Variants in TNR observed in about 807,000 individuals in gnomAD.
The protein encoded by TNR is tenascin R, also known as tenascin-R.
In TNR, 45 loss-of-function variants were observed where a neutral mutation model predicts 150.4. That is an observed-to-expected ratio of 0.30 (90% confidence interval 0.24 to 0.38). The LOEUF (loss-of-function observed/expected upper bound fraction) is 0.38. TNR is among the 10% of genes least tolerant of loss of function. The pLI is 1.00. For synonymous variants in TNR, 687 were observed against 678.4 expected (o/e 1.01, Z -0.20); for missense variants, 1,544 against 1,759.1 (o/e 0.88, Z 2.19).
intron 1 of TNR, among the ~76,000 whole-genome samples, chr1:175,615,110 AG>A (rs1407282705): frequency 6.6e-6 from 1 of 152,200 alleles, no homozygotes; most frequent in Non-Finnish European, 1.5e-5. Flanking sequence ...AGATAAATCG[AG>A]GGTGGACAAT....
chr1:175,422,077 A>C (rs568101229), intron 2 of TNR, among the ~76,000 whole-genome samples: 1 of 152,360 alleles, frequency 6.6e-6, no homozygotes, highest in East Asian at 1.9e-4. Context: ...CTTGTCTAAA[A>C]GTCACAAAGC....
intron 1 of TNR, among the ~76,000 whole-genome samples, chr1:175,721,531 C>T (rs976384046): frequency 9.2e-5 from 14 of 152,158 alleles, no homozygotes; most frequent in Non-Finnish European, 1.5e-5. Flanking sequence ...AACTGACTCT[C>T]TTGAAACCCG....
chr1:175,507,182 T>G (rs1224362697), intron 2 of TNR, among the ~76,000 whole-genome samples: 2 of 152,110 alleles, frequency 1.3e-5, no homozygotes, highest in East Asian at 3.9e-4. Flanking sequence ...TGTGCCCCGC[T>G]GGGGGTGGAG....
intron 1 of TNR, among the ~76,000 whole-genome samples, chr1:175,626,082 C>T (rs545190317): frequency 1.3e-5 from 2 of 152,252 alleles, no homozygotes; most frequent in Non-Finnish European, 2.9e-5. Flanking sequence ...TTGCTTCTTC[C>T]TCATTCTCTC....
At chr1:175,363,672 T>A (rs1651699664) in intron 13 of TNR, 36 bp downstream of exon 13, 1 of 1,606,282 alleles carries the variant, frequency 6.2e-7, no homozygotes, top group African/African-American at 1.3e-5. Context: ...TTCACCCAAA[T>A]CCTAGTATCT....
intron 9 of TNR, among the ~76,000 whole-genome samples, chr1:175,368,993 A>C (rs1414739545): frequency 6.6e-6 from 1 of 152,082 alleles, no homozygotes; most frequent in African/African-American, 2.4e-5. Flanking sequence ...ACAAAACAAA[A>C]AAACCCAACA....
At chr1:175,694,732 C>T (rs1384773967) in intron 1 of TNR, among the ~76,000 whole-genome samples, 1 of 152,132 alleles carries the variant, frequency 6.6e-6, no homozygotes, top group Non-Finnish European at 1.5e-5. Context: ...TCCCCTATGG[C>T]TGGTGTTTTT....
At position 175,680,108 on chromosome 1, in the gene TNR, G is replaced by A. The variant is rs561597291; in HGVS notation, c.-165+63118C>T. 5.3e-5 allele frequency among the ~76,000 whole-genome samples: 8 copies of A among 152,272 alleles called. No homozygotes were observed. The East Asian group carries it at 1.2e-3, about 22-fold the overall frequency. On this transcript the variant is annotated intron_variant, in intron 1 of 22. Transcript: ENST00000367674. ...CCCAGCTGCTCCATCTGTATGCAGG[G>A]CACTCCCCAGCCCCAGAGTTTATAA...
intron 21 of TNR, among the ~76,000 whole-genome samples, chr1:175,328,889 G>A: frequency 6.6e-6 from 1 of 152,222 alleles, no homozygotes; most frequent in East Asian, 1.9e-4. Context: ...CTTTTCTACA[G>A]GCACAATTCT....
At chr1:175,541,047 A>G (rs1458859097) in intron 1 of TNR, among the ~76,000 whole-genome samples, 1 of 151,750 alleles carries the variant, frequency 6.6e-6, no homozygotes, top group African/African-American at 2.4e-5. Context: ...CACCCTGGAC[A>G]TTTGCATCTG....
At chr1:175,607,993 G>C (rs1314027275) in intron 1 of TNR, among the ~76,000 whole-genome samples, 1 of 152,216 alleles carries the variant, frequency 6.6e-6, no homozygotes, top group Non-Finnish European at 1.5e-5. Context: ...GGACAGCAGA[G>C]GCTTTCTGAC....
intron 1 of TNR, among the ~76,000 whole-genome samples, chr1:175,678,759 A>C (rs1665943046): frequency 6.6e-6 from 1 of 152,232 alleles, no homozygotes; most frequent in South Asian, 2.1e-4. Context: ...CAGAGACAGG[A>C]AGACCAAGTG....
intron 1 of TNR, among the ~76,000 whole-genome samples, chr1:175,549,413 C>T (rs986356540): frequency 1.6e-4 from 25 of 152,184 alleles, no homozygotes; most frequent in Admixed American, 2.6e-4. Context: ...GTTATTTCTG[C>T]TCCCTCCTAA....
At chr1:175,330,492 C>T (rs773593261) in intron 20 of TNR, 1 of 321,640 alleles carries the variant, frequency 3.1e-6, no homozygotes, top group African/African-American at 2.1e-5. Context: ...TCCTCTTGAC[C>T]CAGTAACTGA....
At chr1:175,611,287 T>A (rs554902351) in intron 1 of TNR, among the ~76,000 whole-genome samples, 1 of 152,234 alleles carries the variant, frequency 6.6e-6, no homozygotes, top group South Asian at 2.1e-4. Context: ...AAATGTTTAT[T>A]TTTTTATTTT....
intron 1 of TNR, among the ~76,000 whole-genome samples, chr1:175,643,078 G>A (rs1403113666): frequency 6.6e-6 from 1 of 152,196 alleles, no homozygotes; most frequent in African/African-American, 2.4e-5. Context: ...TCTATTGGGT[G>A]AGAGGTGAAG....
intron 1 of TNR, among the ~76,000 whole-genome samples, chr1:175,726,739 G>A (rs995759631): frequency 6.6e-6 from 1 of 152,126 alleles, no homozygotes; most frequent in Admixed American, 6.5e-5. Flanking sequence ...GACAAAATGT[G>A]ATCACAAATT....
At chr1:175,513,916 T>G (rs1659298037) in intron 2 of TNR, among the ~76,000 whole-genome samples, 1 of 152,122 alleles carries the variant, frequency 6.6e-6, no homozygotes. Context: ...GGGTTTGGAG[T>G]ATCTGCATTT....
intron 14 of TNR, among the ~76,000 whole-genome samples, chr1:175,362,362 C>T (rs1052845200): frequency 6.6e-6 from 1 of 152,166 alleles, no homozygotes; most frequent in African/African-American, 2.4e-5. Flanking sequence ...ATGAATGATT[C>T]AGATATCTGT....
Sources: gnomAD v4.1 joint callset for allele counts (sites outside exome capture counted in the v4.1 genomes callset) on GRCh38, gnomAD v4.1.1 for gene constraint, MANE v1.5 for transcripts, NCBI Gene and HGNC (gene_info 2026-07-23, HGNC 2026-07-21) for gene names.